The following ERN2 variants were observed in gnomAD, a reference collection of about 807,000 sequenced individuals.
ERN2 encodes serine/threonine-protein kinase/endoribonuclease IRE2.
A neutral mutation model predicts 107.9 loss-of-function variants in ERN2; 111 were observed. The observed-to-expected ratio is 1.03, with a 90% CI of 0.88 to 1.20. The LOEUF (loss-of-function observed/expected upper bound fraction) is 1.20. Among genes scored for constraint, ERN2 ranks in the 50% most tolerant of loss-of-function variants. The pLI is 0.00. For synonymous variants in ERN2, 524 were observed against 501.7 expected (o/e 1.04, Z -0.59); for missense variants, 1,225 against 1,197.9 (o/e 1.02, Z -0.33).
At chr16:23,711,156 T>C in intron 1 of ERN2, 138 bp from the exon 2 acceptor site, 1 of 614,756 alleles carries the variant, frequency 1.6e-6, no homozygotes, top group Non-Finnish European at 2.9e-6. Flanking sequence ...TTGGGGAACG[T>C]GCTGGTGTCA....
chr16:23,701,148 C>G lies in ERN2; in HGVS notation c.1204-34G>C, dbSNP rs757256563. On this transcript the variant is annotated intron_variant, in intron 11 of 21. Transcript: ENST00000256797. ...AAAGGGCCCTTCACTTTTAGCACCCCCTTCCACCAGGGAACCCCTAACTTT... is the reference window on the plus strand; with the variant it reads ...AAAGGGCCCTTCACTTTTAGCACCCGCTTCCACCAGGGAACCCCTAACTTT... 4 of 1,599,226 alleles carry G rather than the reference C, an allele frequency of 2.5e-6. No homozygotes were observed. In the Admixed American group the frequency reaches 7.0e-5, roughly 28 times the overall value.
chr16:23,692,381 T>A (rs1349288901), intron 17 of ERN2, 50 bp from the exon 18 acceptor site: 1 of 1,595,432 alleles, frequency 6.3e-7, no homozygotes, highest in Admixed American at 1.7e-5. Flanking sequence ...TTCCAGGAAG[T>A]CAGCCTGGCT....
chr16:23,707,963 T>C (rs1029074586), intron 4 of ERN2, among the ~76,000 whole-genome samples: 1 of 152,336 alleles, frequency 6.6e-6, no homozygotes, highest in African/African-American at 2.4e-5. Context: ...GTCTGGGTTA[T>C]GTCTGTGGGC....
At position 23,694,702 on chromosome 16, in the gene ERN2, C is replaced by T. The variant is rs1249756562; in HGVS notation, c.2100+26G>A. 4 of 1,571,386 alleles carry T rather than the reference C, an allele frequency of 2.5e-6. No individual in the cohort carries two copies. The African/African-American group carries it at 5.4e-5, about 21-fold the overall frequency. On this transcript the variant is annotated intron_variant, in intron 17 of 21. Transcript: ENST00000256797. Reference sequence around the variant, plus strand: ...CCTGCAGCCTGGGGCAGCTGTGTGCCTGGAGGACTTGGTGGATAGACTCAC... The same window carrying T: ...CCTGCAGCCTGGGGCAGCTGTGTGCTTGGAGGACTTGGTGGATAGACTCAC...
intron 8 of ERN2, among the ~76,000 whole-genome samples, chr16:23,704,199 G>A (rs1239248997): frequency 2.6e-5 from 4 of 152,234 alleles, no homozygotes; most frequent in Middle Eastern, 3.4e-3. Flanking sequence ...AGTTAAATAA[G>A]GTTGTTATTT....
chr16:23,693,248 G>A (rs1248632390), intron 17 of ERN2, among the ~76,000 whole-genome samples: 1 of 151,224 alleles, frequency 6.6e-6, no homozygotes, highest in South Asian at 2.1e-4. Flanking sequence ...AAGCTGTGAT[G>A]GTATGACTGC....
At chr16:23,705,190 C>A in intron 7 of ERN2, 43 bp from the exon 8 acceptor site, 1 of 1,599,544 alleles carries the variant, frequency 6.3e-7, no homozygotes, top group East Asian at 2.2e-5. Flanking sequence ...GGAAGCTCTC[C>A]TAAGAGGGTC....
At chr16:23,710,783 G>A in intron 2 of ERN2, 130 bp downstream of exon 2, 1 of 827,216 alleles carries the variant, frequency 1.2e-6, no homozygotes, top group Non-Finnish European at 2.0e-6. Context: ...CAGCTGGTAA[G>A]CAGTGAAGCT....
At position 23,700,279 on chromosome 16, in the gene ERN2, G is replaced by A. The variant is rs111880592; in HGVS notation, c.1525+260C>T. On this transcript the variant is annotated intron_variant, in intron 13 of 21. Coordinates refer to ENST00000256797, the MANE Select transcript of ERN2 (RefSeq NM_033266.4). ...TTGAGCCCAGGAGCTTGAGGCTGCA[G>A]TGAGCTATGATTGTGCCACTGTACT... Among the ~76,000 whole-genome samples the A allele has an allele frequency of 4.2e-3, 639 of 152,328 alleles. 1 individual carries two copies. The highest frequency in any genetic ancestry group is 0.014 in the South Asian group (70 of 4,828).
chr16:23,707,121 C>T (rs1960352923), intron 4 of ERN2, 42 bp from the exon 5 acceptor site: 3 of 1,387,294 alleles, frequency 2.2e-6, no homozygotes, highest in Admixed American at 1.7e-5. Context: ...AGAGCAGCAA[C>T]ACACAGTGCT....
At position 23,695,459 on chromosome 16, in the gene ERN2, C is replaced by T. The variant is rs1238246562; in HGVS notation, c.1611-70G>A. ...GCAGATAAAGGGACAAACATGGTGG[C>T]TCACACCTGTAATCCTAGCACTTTG... On this transcript the variant is annotated intron_variant, in intron 14 of 21. Transcript: ENST00000256797. 6.9e-6 allele frequency: 10 copies of T among 1,444,690 alleles called. No homozygotes were observed. In the Admixed American group the frequency reaches 1.4e-4, roughly 20 times the overall value. The allele number at this position is 1,444,690 out of a possible 1,614,324, so 89.5% of individuals were successfully genotyped here.
intron 4 of ERN2, among the ~76,000 whole-genome samples, chr16:23,707,588 G>T (rs1205688948): frequency 6.6e-6 from 1 of 152,136 alleles, no homozygotes; most frequent in East Asian, 1.9e-4. Context: ...GGTGGCATGT[G>T]CCTGTAGTCC....
In ERN2 at chr16:23,690,793, G is replaced by T; in HGVS notation, c.*38C>A. ...AGCCACAGGCTCAGCTCTTCAGTGA[G>T]CCAGCACGGAGACCATCTGTGTGGC... On this transcript the variant is annotated 3_prime_UTR_variant, in exon 22 of 22. Coordinates refer to ENST00000256797, the MANE Select transcript of ERN2 (RefSeq NM_033266.4). The T allele has an allele frequency of 1.3e-6, 2 of 1,559,748 alleles. No individual in the cohort carries two copies. Among genetic ancestry groups the T allele is most frequent in the Non-Finnish European group, 1.7e-6 (2 of 1,144,848 alleles).
chr16:23,707,191 C>A, intron 4 of ERN2, 112 bp from the exon 5 acceptor site: 1 of 787,596 alleles, frequency 1.3e-6, no homozygotes, highest in South Asian at 1.5e-5. Flanking sequence ...CTATCATTTC[C>A]ACTTTTCAGG....
rs753406904 is a variant in ERN2, at chr16:23,700,679, TGCTTCTCCACCACCTGCG to T, written c.1367_1384del (p.Pro456_Lys461del). 1 of 1,613,696 alleles carries T rather than the reference TGCTTCTCCACCACCTGCG, an allele frequency of 6.2e-7. No individual in the cohort carries two copies. The highest frequency in any genetic ancestry group is 8.5e-7 in the Non-Finnish European group (1 of 1,179,790). On this transcript the variant is annotated inframe_deletion, in exon 13 of 22. Transcript: ENST00000256797. ...TGCAGGTGCCAGGGGGGTCTCCTGC[TGCTTCTCCACCACCTGCG>T]GCTGTTGCTGTAACATGAGAGCCTA...
In ERN2 at chr16:23,690,500, G is replaced by T; in HGVS notation, c.*331C>A. The stretch of plus-strand genomic sequence containing the variant: ...GTGACAGTGTCTCTCTGTGGACCAG[G>T]CTGGAGTGCAGTGGCATGATCCTGG... On this transcript the variant is annotated 3_prime_UTR_variant, in exon 22 of 22. Transcript: ENST00000256797. The T allele has an allele frequency of 2.1e-6, 1 of 470,762 alleles. No individual in the cohort carries two copies. Among genetic ancestry groups the T allele is most frequent in the Admixed American group, 3.4e-5 (1 of 29,684 alleles). 29.2% of individuals were successfully genotyped at this position (470,762 alleles called of 1,614,324 possible). A position where few individuals can be genotyped will look rare whatever the true frequency, so the allele number is the denominator to read the frequency against.
intron 7 of ERN2, among the ~76,000 whole-genome samples, chr16:23,705,596 G>A (rs1347656800): frequency 6.6e-6 from 1 of 152,048 alleles, no homozygotes; most frequent in Non-Finnish European, 1.5e-5. Flanking sequence ...AGGTCACTCA[G>A]GCAGTTGGGT....
In ERN2 at chr16:23,691,297, T is replaced by C; in HGVS notation, c.2500+5A>G. 1.2e-6 allele frequency: 2 copies of C among 1,611,290 alleles called. No individual in the cohort carries two copies. Among genetic ancestry groups the C allele is most frequent in the Non-Finnish European group, 1.7e-6 (2 of 1,179,422 alleles). ...CGCCCAGGCCCACCTGAGTATGGCC[T>C]CTACCTGTCTGCAGCGGCATGGAGA... On this transcript the variant is annotated splice_donor_5th_base_variant and intron_variant, in intron 20 of 21. Coordinates refer to ENST00000256797, the MANE Select transcript of ERN2 (RefSeq NM_033266.4).
intron 4 of ERN2, chr16:23,709,116 G>T (rs1357603833): frequency 6.7e-6 from 3 of 450,400 alleles, no homozygotes; most frequent in Non-Finnish European, 1.3e-5. Context: ...TTTCTAGCAG[G>T]CTTCCCCTGA....
Sources: gnomAD v4.1 joint callset for allele counts (sites outside exome capture counted in the v4.1 genomes callset) on GRCh38, gnomAD v4.1.1 for gene constraint, MANE v1.5 for transcripts, NCBI Gene and HGNC (gene_info 2026-07-23, HGNC 2026-07-21) for gene names.